The following OR1J2 variants were observed in gnomAD, a reference collection of about 807,000 sequenced individuals.
OR1J2 encodes the protein olfactory receptor family 1 subfamily J member 2, also known as olfactory receptor 1J2.
For synonymous variants in OR1J2, 142 were observed against 99.7 expected (o/e 1.42, Z -2.52); for missense variants, 304 against 246.1 (o/e 1.24, Z -1.57).
At chr9:122,481,216 G>A in the OR1J2 span, among the ~76,000 whole-genome samples, 1 of 151,964 alleles carries the variant, frequency 6.6e-6, no homozygotes, top group African/African-American at 2.4e-5. Flanking sequence ...TCCTGTGTTA[G>A]TTTGCTAAGC....
the OR1J2 span, among the ~76,000 whole-genome samples, chr9:122,554,606 A>C: frequency 1.3e-5 from 2 of 151,898 alleles, no homozygotes; most frequent in Admixed American, 1.3e-4. Flanking sequence ...GAAAACTGTG[A>C]ATTAGGATGC....
At chr9:122,531,549 T>C in the OR1J2 span, among the ~76,000 whole-genome samples, 3 of 152,208 alleles carry the variant, frequency 2.0e-5, no homozygotes, top group Non-Finnish European at 4.4e-5. Flanking sequence ...TCAAATGGGC[T>C]GTACCTTGTA....
chr9:122,447,926 C>T, the OR1J2 span, among the ~76,000 whole-genome samples: 14 of 152,164 alleles, frequency 9.2e-5, no homozygotes, highest in Non-Finnish European at 1.5e-4. Flanking sequence ...TGGTTGAGCC[C>T]GATGAAGGGA....
the OR1J2 span, among the ~76,000 whole-genome samples, chr9:122,452,492 G>A: frequency 2.0e-5 from 3 of 152,168 alleles, no homozygotes; most frequent in Admixed American, 2.0e-4. Context: ...AGGTGCTGTT[G>A]CTGTTGACAT....
At chr9:122,569,774 AC>A in the OR1J2 span, among the ~76,000 whole-genome samples, 1 of 152,012 alleles carries the variant, frequency 6.6e-6, no homozygotes, top group Admixed American at 6.6e-5. Context: ...TGTGTGCTGC[AC>A]CCATTAACTC....
At chr9:122,529,646 C>T in the OR1J2 span, among the ~76,000 whole-genome samples, 1 of 152,196 alleles carries the variant, frequency 6.6e-6, no homozygotes, top group Non-Finnish European at 1.5e-5. Context: ...GTTTCTCATC[C>T]TTCATCCTAT....
chr9:122,498,946 T>G, the OR1J2 span, among the ~76,000 whole-genome samples: 7 of 152,224 alleles, frequency 4.6e-5, no homozygotes, highest in Non-Finnish European at 8.8e-5. Flanking sequence ...AGATTTTATA[T>G]TGGGCTGTGC....
At chr9:122,488,035 A>G in the OR1J2 span, among the ~76,000 whole-genome samples, 1 of 152,212 alleles carries the variant, frequency 6.6e-6, no homozygotes, top group African/African-American at 2.4e-5. Context: ...ATTAACTTCA[A>G]ACCTAAAGCC....
chr9:122,571,487 T>C, the OR1J2 span, among the ~76,000 whole-genome samples: 1 of 149,892 alleles, frequency 6.7e-6, no homozygotes, highest in Non-Finnish European at 1.5e-5. Flanking sequence ...GAGACGGAGG[T>C]TGCAGTGAGC....
the OR1J2 span, among the ~76,000 whole-genome samples, chr9:122,536,732 G>A: frequency 5.1e-3 from 769 of 152,260 alleles, 3 homozygotes; most frequent in Middle Eastern, 0.017. Context: ...TCTTGGAAAT[G>A]TGATCAAGAA....
At chr9:122,463,471 G>A in the OR1J2 span, among the ~76,000 whole-genome samples, 1 of 152,144 alleles carries the variant, frequency 6.6e-6, no homozygotes, top group Admixed American at 6.5e-5. Flanking sequence ...TGGTGAGCTA[G>A]TGTGATCTTT....
At chr9:122,568,623 C>T in the OR1J2 span, 1 of 580,814 alleles carries the variant, frequency 1.7e-6, no homozygotes, top group Non-Finnish European at 3.0e-6. Context: ...GCTTGTTCAC[C>T]TCATGGTCCT....
the OR1J2 span, among the ~76,000 whole-genome samples, chr9:122,564,607 G>C: frequency 6.6e-6 from 1 of 152,206 alleles, no homozygotes; most frequent in African/African-American, 2.4e-5. Flanking sequence ...GAAGATAGAT[G>C]GATCCTGGAG....
the OR1J2 span, among the ~76,000 whole-genome samples, chr9:122,521,473 T>C: frequency 2.0e-5 from 3 of 152,224 alleles, no homozygotes; most frequent in Non-Finnish European, 4.4e-5. Context: ...TTGTTTGATA[T>C]TGACTCAAAG....
At chr9:122,480,920 G>A in the OR1J2 span, among the ~76,000 whole-genome samples, 4 of 151,924 alleles carry the variant, frequency 2.6e-5, no homozygotes, top group African/African-American at 7.3e-5. Context: ...TCAGCCTCCC[G>A]AGTAGCTGGG....
At chr9:122,458,612 G>A in the OR1J2 span, among the ~76,000 whole-genome samples, 16 of 152,128 alleles carry the variant, frequency 1.1e-4, no homozygotes, top group Admixed American at 4.6e-4. Context: ...ATCGTATCTC[G>A]TGAGACTTAT....
the OR1J2 span, among the ~76,000 whole-genome samples, chr9:122,540,520 C>T: frequency 2.0e-4 from 31 of 152,054 alleles, no homozygotes; most frequent in African/African-American, 5.8e-4. Context: ...TTACTGTAGC[C>T]TTGTAGTATA....
At chr9:122,475,042 C>T in the OR1J2 span, 5 of 152,194 alleles carry the variant, frequency 3.3e-5, no homozygotes, top group Non-Finnish European at 7.3e-5. Context: ...ATAAACTCAA[C>T]ATATTTGGAC....
the OR1J2 span, among the ~76,000 whole-genome samples, chr9:122,570,526 C>T: frequency 4.0e-3 from 605 of 152,178 alleles, 4 homozygotes; most frequent in African/African-American, 0.014. Context: ...TGTATAAAAT[C>T]GAACACAAAT....
Sources: gnomAD v4.1 joint callset for allele counts (sites outside exome capture counted in the v4.1 genomes callset) on GRCh38, gnomAD v4.1.1 for gene constraint, MANE v1.5 for transcripts, NCBI Gene and HGNC (gene_info 2026-07-23, HGNC 2026-07-21) for gene names.